The following TMEM171 variants were observed in gnomAD, a reference collection of about 807,000 sequenced individuals.
The protein encoded by TMEM171 is proline-rich protein PRP2.
In TMEM171, 16 loss-of-function variants were observed where a neutral mutation model predicts 19.1. The ratio of observed to expected loss-of-function variants is 0.84; its 90% CI spans 0.57 to 1.27. The LOEUF (loss-of-function observed/expected upper bound fraction) is 1.27. Among genes scored for constraint, TMEM171 ranks in the 50% most tolerant of loss-of-function variants. TMEM171 has a pLI of 0.00. For missense variants in TMEM171, 429 were observed against 412.7 expected, an observed-to-expected ratio of 1.04 and a Z score of -0.34; for synonymous variants, 153 against 163.4, an observed-to-expected ratio of 0.94 and a Z score of 0.48.
chr5:73,125,575 G>GA (rs1418663154), intron 2 of TMEM171, among the ~76,000 whole-genome samples: 3 of 152,056 alleles, frequency 2.0e-5, no homozygotes. Context: ...GTTATTACAT[G>GA]AAAAAAGGGG....
At chr5:73,128,736 A>G (rs1400656362) in intron 3 of TMEM171, among the ~76,000 whole-genome samples, 1 of 137,090 alleles carries the variant, frequency 7.3e-6, no homozygotes, top group African/African-American at 2.8e-5. Flanking sequence ...ATGCTGGGTT[A>G]ATATGAAGCC....
Position 73,123,365 on chromosome 5 carries a change from C to T in TMEM171, c.-9C>T, listed in dbSNP as rs780944883. 8.1e-6 allele frequency: 13 copies of T among 1,608,178 alleles called. No individual in the cohort carries two copies. Among genetic ancestry groups the T allele is most frequent in the Non-Finnish European group, 9.4e-6 (11 of 1,176,010 alleles). On this transcript the variant is annotated 5_prime_UTR_variant, in exon 2 of 4. Coordinates refer to ENST00000454765, the MANE Select transcript of TMEM171 (RefSeq NM_173490.8). ...CCACCCTGCCTCCGGGAAGGGGCCT[C>T]TCCTGGACATGTCTCCTGCAGCTGC...
In TMEM171 at chr5:73,123,819, A is replaced by G. The variant is rs200969145; in HGVS notation, c.446A>G (p.Asp149Gly). 4.3e-6 allele frequency: 7 copies of G among 1,612,652 alleles called. No individual in the cohort carries two copies. The South Asian group carries it at 5.5e-5, about 13-fold the overall frequency. Residue 149 changes from aspartate to glycine, a missense_variant, in exon 2 of 4, where the codon GAC becomes GGC. Coordinates refer to ENST00000454765, the MANE Select transcript of TMEM171 (RefSeq NM_173490.8). ...GCGCAGGAACCGCTAAACGAGACAG[A>G]CACTGGCGACTCAGAGCCCCGGATG... ...NWAQEPLNET[D>G]TGDSEPRMCG...
In TMEM171 at chr5:73,131,713, G is replaced by A. The variant is rs1215315280; in HGVS notation, c.958G>A (p.Glu320Lys). 1.2e-6 allele frequency: 2 copies of A among 1,611,104 alleles called. No homozygotes were observed. The highest frequency in any genetic ancestry group is 1.7e-5 in the Admixed American group (1 of 59,582). Residue 320 changes from glutamate to lysine, a missense_variant, in exon 4 of 4, where the codon GAG (glutamate) becomes AAG (lysine). Glu to Lys is a moderately conservative substitution (Grantham distance 56). Coordinates refer to ENST00000454765, the MANE Select transcript of TMEM171 (RefSeq NM_173490.8). ...AGCTACATTCTTGCCTCTATCTTCT[G>A]AGCCTTCCCCACCGTAAACTATGGA... Reference protein sequence around the residue: ...AAATFLPLSSEPSPP With the variant: ...AAATFLPLSSKPSPP
chr5:73,124,625 CCTT>C (rs759687665), intron 2 of TMEM171, among the ~76,000 whole-genome samples: 16 of 152,272 alleles, frequency 1.1e-4, no homozygotes, highest in African/African-American at 2.9e-4. Flanking sequence ...TCTGTGTTGT[CCTT>C]CTTTTTTTGT....
At chr5:73,128,953 G>A (rs764209594) in intron 3 of TMEM171, among the ~76,000 whole-genome samples, 2 of 152,102 alleles carry the variant, frequency 1.3e-5, no homozygotes, top group Non-Finnish European at 2.9e-5. Flanking sequence ...ATTAGCTGGG[G>A]ATGGTGGTAG....
chr5:73,130,032 T>A (rs1744290518), intron 3 of TMEM171, among the ~76,000 whole-genome samples: 1 of 150,954 alleles, frequency 6.6e-6, no homozygotes, highest in Non-Finnish European at 1.5e-5. Flanking sequence ...AGTTCCAGGG[T>A]GAGTGACAGG....
At chr5:73,121,649 T>A (rs1001441331) in intron 1 of TMEM171, among the ~76,000 whole-genome samples, 16 of 152,218 alleles carry the variant, frequency 1.1e-4, no homozygotes, top group Non-Finnish European at 2.2e-4. Flanking sequence ...GAAAGCTTTT[T>A]TCCCTCCTAT....
Position 73,123,656 on chromosome 5 carries a change from A to G in TMEM171, c.283A>G (p.Met95Val). 3.1e-6 allele frequency: 5 copies of G among 1,614,194 alleles called. No homozygotes were observed. The highest frequency in any genetic ancestry group is 4.2e-6 in the Non-Finnish European group (5 of 1,180,028). The change falls in exon 2 of 4, where the codon ATG (methionine) becomes GTG (valine). Residue 95 changes from methionine (M) to valine (V), a missense_variant. Physicochemically the swap from Met to Val is conservative, Grantham distance 21. Coordinates refer to ENST00000454765, the MANE Select transcript of TMEM171 (RefSeq NM_173490.8). ...LRAGLQRGQQ[M>V]DPDRAFICGE... ...TGCAGGGCTGCAGAGAGGTCAGCAGATGGACCCCGACCGAGCCTTCATCTG... is the reference window on the plus strand; with the variant it reads ...TGCAGGGCTGCAGAGAGGTCAGCAGGTGGACCCCGACCGAGCCTTCATCTG...
intron 1 of TMEM171, among the ~76,000 whole-genome samples, chr5:73,122,276 C>T (rs1322228203): frequency 2.0e-5 from 3 of 152,136 alleles, no homozygotes; most frequent in Non-Finnish European, 4.4e-5. Flanking sequence ...GCCACACCAG[C>T]CTTTGGGTAC....
intron 1 of TMEM171, among the ~76,000 whole-genome samples, chr5:73,122,571 G>C (rs1363268067): frequency 6.6e-6 from 1 of 152,120 alleles, no homozygotes; most frequent in Non-Finnish European, 1.5e-5. Flanking sequence ...GCTAAAGTTT[G>C]TATTTTTAGC....
chr5:73,131,443 A>C (rs1744352216), intron 3 of TMEM171, 95 bp from the exon 4 acceptor site: 5 of 953,330 alleles, frequency 5.2e-6, no homozygotes, highest in Admixed American at 2.7e-5. Context: ...AATACTCTTA[A>C]GTGCATGTAA....
At chr5:73,129,163 A>C (rs1350888577) in intron 3 of TMEM171, among the ~76,000 whole-genome samples, 4 of 152,026 alleles carry the variant, frequency 2.6e-5, no homozygotes, top group African/African-American at 4.8e-5. Flanking sequence ...ATGGAAGTAC[A>C]CTCCACAGGG....
Position 73,127,407 on chromosome 5 carries a change from A to AT in TMEM171, c.641-983_641-982insT, listed in dbSNP as rs1364234564. ...AAAATATATATATATATATATATATAAAGCATAAACAATTTAAACTGCTTT... is the reference window on the plus strand; with the variant it reads ...AAAATATATATATATATATATATATATAAGCATAAACAATTTAAACTGCTTT... On this transcript the variant is annotated intron_variant, in intron 2 of 3. Coordinates refer to ENST00000454765, the MANE Select transcript of TMEM171 (RefSeq NM_173490.8). Among the ~76,000 whole-genome samples the AT allele has an allele frequency of 7.2e-3, 986 of 137,090 alleles. 29 individuals are homozygous for AT. The highest frequency in any genetic ancestry group is 0.027 in the African/African-American group (941 of 35,122). The allele number at this position is 137,090 out of a possible 152,430, so 89.9% of individuals were successfully genotyped here.
chr5:73,126,371 TCTC>T (rs1006814499), intron 2 of TMEM171, among the ~76,000 whole-genome samples: 1 of 152,184 alleles, frequency 6.6e-6, no homozygotes, highest in Non-Finnish European at 1.5e-5. Flanking sequence ...CTCATTGCCT[TCTC>T]CTTGGAGAAG....
chr5:73,130,132 A>G (rs1744293780), intron 3 of TMEM171, among the ~76,000 whole-genome samples: 1 of 152,022 alleles, frequency 6.6e-6, no homozygotes, highest in East Asian at 1.9e-4. Flanking sequence ...GTGGCGGTAC[A>G]GTGAGATGAG....
chr5:73,121,480 C>T (rs1744007062), intron 1 of TMEM171, among the ~76,000 whole-genome samples: 1 of 152,060 alleles, frequency 6.6e-6, no homozygotes, highest in Non-Finnish European at 1.5e-5. Flanking sequence ...GAATGTACTC[C>T]CTGTAGGATA....
Position 73,128,523 on chromosome 5 carries a change from C to T in TMEM171, c.774C>T (p.Phe258=), listed in dbSNP as rs748531240. The T allele has an allele frequency of 5.0e-6, 8 of 1,613,824 alleles. No homozygotes were observed. In the South Asian group the frequency reaches 5.5e-5, roughly 11 times the overall value. The change falls in exon 3 of 4, where the codon TTC becomes TTT. Residue 258 remains phenylalanine (F), a synonymous_variant. Coordinates refer to ENST00000454765, the MANE Select transcript of TMEM171 (RefSeq NM_173490.8). ...NENPPSYYSI[F]NYGRTPTSEG... is the part of the protein sequence containing the mutation. Reference sequence around the variant, plus strand: ...ACCCCCCTTCATATTACAGTATTTTCAACTATGGGTAAGAATTTCAATTTG... The same window carrying T: ...ACCCCCCTTCATATTACAGTATTTTTAACTATGGGTAAGAATTTCAATTTG...
chr5:73,120,720 C>T (rs1580231294), intron 1 of TMEM171, 24 bp downstream of exon 1: 4 of 983,688 alleles, frequency 4.1e-6, no homozygotes, highest in South Asian at 4.7e-5. Context: ...GCCCGCGCGC[C>T]TGCGCCGGCG....
Sources: gnomAD v4.1 joint callset for allele counts (sites outside exome capture counted in the v4.1 genomes callset) on GRCh38, gnomAD v4.1.1 for gene constraint, MANE v1.5 for transcripts, NCBI Gene and HGNC (gene_info 2026-07-23, HGNC 2026-07-21) for gene names.